Variants in MUCL3 observed in about 807,000 individuals in gnomAD.
MUCL3 encodes the protein mucin like 3.
MUCL3 carries 42 observed loss-of-function variants against 70.2 expected under a neutral mutation model. That is an observed-to-expected ratio of 0.60 (90% CI 0.47 to 0.77). MUCL3 has a LOEUF of 0.77. MUCL3 is among the 30% of genes least tolerant of loss of function. The pLI, the probability that MUCL3 is intolerant of heterozygous loss-of-function variation, is 0.00. For synonymous variants in MUCL3, 522 were observed against 647.0 expected, an observed-to-expected ratio of 0.81 and a Z score of 2.93; for missense variants, 1,429 against 1,670.0, an observed-to-expected ratio of 0.86 and a Z score of 2.52.
At chr6:30,943,291 A>G (rs745437768) in intron 1 of MUCL3, among the ~76,000 whole-genome samples, 1 of 152,248 alleles carries the variant, frequency 6.6e-6, no homozygotes, top group Non-Finnish European at 1.5e-5. Context: ...GCACAGGTGC[A>G]GTCCAGATTA....
chr6:30,945,351 AG>A (rs560540557), intron 1 of MUCL3, among the ~76,000 whole-genome samples: 30 of 152,220 alleles, frequency 2.0e-4, no homozygotes, highest in African/African-American at 7.0e-4. Flanking sequence ...AGGCCAGGCC[AG>A]GCCAGGCCAG....
In MUCL3 at chr6:30,953,371, AGAAT is replaced by A; in HGVS notation, c.*258_*261del. 1 of 577,830 alleles carries A rather than the reference AGAAT, an allele frequency of 1.7e-6. No homozygotes were observed. Among genetic ancestry groups the A allele is most frequent in the Non-Finnish European group, 3.0e-6 (1 of 332,072 alleles). The allele number at this position is 577,830 out of a possible 1,614,324, so 35.8% of individuals were successfully genotyped here. A position where few individuals can be genotyped will look rare whatever the true frequency, so the allele number is the denominator to read the frequency against. On this transcript the variant is annotated 3_prime_UTR_variant, in exon 3 of 3. Transcript: ENST00000462446. ...ATTCTCTGTAGAAGGTAATGGTCTG[AGAAT>A]GAAAAGGTGTTTGATGGACATGTTG...
Position 30,950,365 on chromosome 6 carries a change from C to T in MUCL3, c.1901C>T (p.Thr634Ile). 5 of 1,550,980 alleles carry T rather than the reference C, an allele frequency of 3.2e-6. No homozygotes were observed. Among genetic ancestry groups the T allele is most frequent in the South Asian group, 1.2e-5 (1 of 84,010 alleles). ...ENRERTANENTTPSPAGPTEN... is the reference protein window; with the variant it reads ...ENRERTANENITPSPAGPTEN... ...AGAGAAAGGACAGCCAATGAGAACA[C>T]CACACCATCCCCAGCAGGGCCTACA... The change falls in exon 2 of 3, where the codon ACC (threonine) becomes ATC (isoleucine). Residue 634 changes from threonine (T) to isoleucine (I), a missense_variant. Thr to Ile is a moderately conservative substitution (Grantham distance 89, BLOSUM62 -1). Transcript: ENST00000462446.
At chr6:30,943,754 C>T (rs1020540380) in intron 1 of MUCL3, among the ~76,000 whole-genome samples, 2 of 152,016 alleles carry the variant, frequency 1.3e-5, no homozygotes, top group Admixed American at 6.6e-5. Flanking sequence ...AATGTATGCT[C>T]ATTGTAGAAA....
Position 30,951,238 on chromosome 6 carries a change from G to T in MUCL3, c.2774G>T (p.Gly925Val). The change falls in exon 2 of 3, where the codon GGA (glycine) becomes GTA (valine). Residue 925 changes from glycine (G) to valine (V), a missense_variant. Coordinates refer to ENST00000462446, the MANE Select transcript of MUCL3 (RefSeq NM_080870.4). Reference sequence around the variant, plus strand: ...TCCTCAGCAGAGCCTACAGAACATGGAGAAAGGACCCCACTGGCCAATGAG... The same window carrying T: ...TCCTCAGCAGAGCCTACAGAACATGTAGAAAGGACCCCACTGGCCAATGAG... ...TPSSAEPTEH[G>V]ERTPLANEIT... is the part of the protein sequence containing the mutation. The T allele has an allele frequency of 6.5e-7, 1 of 1,546,436 alleles. No homozygotes were observed. Among genetic ancestry groups the T allele is most frequent in the Non-Finnish European group, 8.7e-7 (1 of 1,145,748 alleles).
At chr6:30,944,087 G>A (rs1795688908) in intron 1 of MUCL3, among the ~76,000 whole-genome samples, 1 of 152,132 alleles carries the variant, frequency 6.6e-6, no homozygotes, top group Non-Finnish European at 1.5e-5. Context: ...TGCCATTTAT[G>A]GGGGTAAGGA....
chr6:30,948,524 T>C, intron 1 of MUCL3, 23 bp from the exon 2 acceptor site: 2 of 1,480,658 alleles, frequency 1.4e-6, no homozygotes, highest in Non-Finnish European at 1.8e-6. Context: ...GGAAGTTTCT[T>C]ATTTGCCTCT....
chr6:30,951,026 A>G lies in MUCL3; in HGVS notation c.2562A>G (p.Thr854=). 1 of 1,550,922 alleles carries G rather than the reference A, an allele frequency of 6.4e-7. No homozygotes were observed. The highest frequency in any genetic ancestry group is 8.7e-7 in the Non-Finnish European group (1 of 1,146,932). ...AAAGCACAGCCAATGAGAAGACCAC[A>G]CCATTCCCAGCAGAGCCTACAGAAA... ...NRESTANEKT[T]PFPAEPTENR... The change falls in exon 2 of 3, where the codon ACA becomes ACG. Residue 854 remains threonine, a synonymous_variant. Transcript: ENST00000462446.
chr6:30,941,667 G>A (rs1441684699), intron 1 of MUCL3, among the ~76,000 whole-genome samples: 1 of 151,764 alleles, frequency 6.6e-6, no homozygotes, highest in Non-Finnish European at 1.5e-5. Context: ...TCACCATGTT[G>A]GCCAGGCTGG....
chr6:30,949,448 A>C lies in MUCL3; in HGVS notation c.984A>C (p.Glu328Asp). The change falls in exon 2 of 3, where the codon GAA becomes GAC. Residue 328 changes from glutamate to aspartate, a missense_variant. Physicochemically the swap from Glu to Asp is conservative, Grantham distance 45. Coordinates refer to ENST00000462446, the MANE Select transcript of MUCL3 (RefSeq NM_080870.4). ...CAGCAGAGCCTATAGAAAATAGAGA[A>C]AGGACAGCCAATGAGAACACCGCAC... ...LSPAEPIENR[E>D]RTANENTAPF... is the part of the protein sequence containing the mutation. The C allele has an allele frequency of 6.6e-7, 1 of 1,510,528 alleles. No homozygotes were observed. The highest frequency in any genetic ancestry group is 1.2e-5 in the South Asian group (1 of 82,650). The allele number at this position is 1,510,528 out of a possible 1,614,324, so 93.6% of individuals were successfully genotyped here. A position where few individuals can be genotyped will look rare whatever the true frequency, so the allele number is the denominator to read the frequency against.
At chr6:30,947,570 G>C (rs1218708675) in intron 1 of MUCL3, among the ~76,000 whole-genome samples, 2 of 151,564 alleles carry the variant, frequency 1.3e-5, no homozygotes, top group Non-Finnish European at 2.9e-5. Context: ...GTCTCCATCA[G>C]GTTGTTTTTC....
At chr6:30,944,477 T>C (rs938207842) in intron 1 of MUCL3, among the ~76,000 whole-genome samples, 1 of 152,180 alleles carries the variant, frequency 6.6e-6, no homozygotes, top group Non-Finnish European at 1.5e-5. Context: ...AGACGGGGTT[T>C]CGCCATGTTG....
chr6:30,953,328 T>C lies in MUCL3; in HGVS notation c.*211T>C, dbSNP rs534762677. On this transcript the variant is annotated 3_prime_UTR_variant, in exon 3 of 3. Transcript: ENST00000462446. Reference sequence around the variant, plus strand: ...AGTTTAGGGGACAAAGAAGAAAGAATGAATAATACGAGCAGACATTCTCTG... The same window carrying C: ...AGTTTAGGGGACAAAGAAGAAAGAACGAATAATACGAGCAGACATTCTCTG... The C allele has an allele frequency of 8.8e-5, 58 of 658,798 alleles. No homozygotes were observed. Among genetic ancestry groups the C allele is most frequent in the African/African-American group, 8.3e-4 (46 of 55,178 alleles). 40.8% of individuals were successfully genotyped at this position (658,798 alleles called of 1,614,324 possible).
At chr6:30,952,834 CA>C in intron 2 of MUCL3, 136 bp from the exon 3 acceptor site, 1 of 1,204,722 alleles carries the variant, frequency 8.3e-7, no homozygotes, top group Non-Finnish European at 1.1e-6. Context: ...AGCTGGGACT[CA>C]TTGTATTGGA....
chr6:30,951,292 C>A lies in MUCL3; in HGVS notation c.2828C>A (p.Thr943Lys), dbSNP rs1760671246. Residue 943 changes from threonine to lysine, a missense_variant, in exon 2 of 3, where the codon ACA (threonine) becomes AAA (lysine). Thr to Lys is a moderately conservative substitution (Grantham distance 78). Coordinates refer to ENST00000462446, the MANE Select transcript of MUCL3 (RefSeq NM_080870.4). ...ACCACACCATCCCGAGCAGAGCCTA[C>A]AGAACATGGAGAAAGGATAGCCAAT... is the stretch of plus-strand genomic sequence containing the variant. ...EITTPSRAEP[T>K]EHGERIANEK... 2 of 1,550,892 alleles carry A rather than the reference C, an allele frequency of 1.3e-6. No individual in the cohort carries two copies. Among genetic ancestry groups the A allele is most frequent in the Non-Finnish European group, 1.7e-6 (2 of 1,146,868 alleles).
At chr6:30,946,132 G>A (rs1430657549) in intron 1 of MUCL3, 1 of 152,372 alleles carries the variant, frequency 6.6e-6, no homozygotes. Flanking sequence ...GGAGCAGGCA[G>A]GGGGGTAGGG....
Position 30,949,679 on chromosome 6 carries a change from G to A in MUCL3, c.1215G>A (p.Arg405=), listed in dbSNP as rs988923448. Residue 405 remains arginine (R), a synonymous_variant, in exon 2 of 3, where the codon AGG becomes AGA. Transcript: ENST00000462446. ...SPAEPTEHGE[R]TPFANDKTTS... Reference sequence around the variant, plus strand: ...CAGAGCCTACAGAACATGGAGAAAGGACCCCATTTGCCAATGACAAAACCA... The same window carrying A: ...CAGAGCCTACAGAACATGGAGAAAGAACCCCATTTGCCAATGACAAAACCA... 3.9e-6 allele frequency: 6 copies of A among 1,544,894 alleles called. No homozygotes were observed. Among genetic ancestry groups the A allele is most frequent in the African/African-American group, 1.4e-5 (1 of 70,658 alleles).
rs1364456891 is a variant in MUCL3, at chr6:30,953,058, C to A, written c.4123C>A (p.Pro1375Thr). 6.2e-7 allele frequency: 1 copy of A among 1,614,236 alleles called. No homozygotes were observed. The highest frequency in any genetic ancestry group is 8.5e-7 in the Non-Finnish European group (1 of 1,180,042). ...GGATGAGGGTGGCCCCAATTCCTAC[C>A]CGGTCTACCTGATGGAGCAGCAGAA... Reference protein sequence around the residue: ...AEDEGGPNSYPVYLMEQQNLG... With the variant: ...AEDEGGPNSYTVYLMEQQNLG... Residue 1375 changes from proline (P) to threonine (T), a missense_variant, in exon 3 of 3, where the codon CCG becomes ACG. Physicochemically the swap from Pro to Thr is conservative, Grantham distance 38 (BLOSUM62 -1). Transcript: ENST00000462446.
chr6:30,950,653 A>T lies in MUCL3; in HGVS notation c.2189A>T (p.Asn730Ile). The T allele has an allele frequency of 6.5e-7, 1 of 1,537,110 alleles. No individual in the cohort carries two copies. Among genetic ancestry groups the T allele is most frequent in the Non-Finnish European group, 8.8e-7 (1 of 1,136,238 alleles). Residue 730 changes from asparagine (N) to isoleucine (I), a missense_variant, in exon 2 of 3, where the codon AAT (asparagine) becomes ATT (isoleucine). Asn to Ile is a moderately radical substitution (Grantham distance 149). Transcript: ENST00000462446. ...ACAGAAAATAGAGAAAGGACAGCCA[A>T]TGAGAAGACCACACCATTCCCAGCA... ...EPTENRERTA[N>I]EKTTPFPAEP...
Sources: allele counts gnomAD v4.1 joint callset (sites outside exome capture counted in the v4.1 genomes callset), GRCh38; gene constraint gnomAD v4.1.1; transcripts MANE v1.5; gene names NCBI Gene and HGNC (gene_info 2026-07-23, HGNC 2026-07-21).